The following NDST3 variants were observed in gnomAD, a reference collection of about 807,000 sequenced individuals.
NDST3 encodes the protein bifunctional heparan sulfate N-deacetylase/N-sulfotransferase 3.
A neutral mutation model predicts 96.1 loss-of-function variants in NDST3; 58 were observed. The observed-to-expected ratio is 0.60, with a 90% CI of 0.49 to 0.75. The LOEUF (loss-of-function observed/expected upper bound fraction) is 0.75, where lower values mean the gene tolerates loss of function less well. NDST3 is among the 30% of genes least tolerant of loss of function. The probability of loss-of-function intolerance (pLI) is 0.00; values close to 1 mark genes in which losing one functional copy is unlikely to be tolerated. For synonymous variants in NDST3, 333 were observed against 359.7 expected (o/e 0.93, Z 0.84); for missense variants, 788 against 1,034.2 (o/e 0.76, Z 3.27).
intron 2 of NDST3, among the ~76,000 whole-genome samples, chr4:118,067,068 A>G (rs1726651167): frequency 6.6e-6 from 1 of 150,376 alleles, no homozygotes; most frequent in South Asian, 2.1e-4. Context: ...TTCTTGAATA[A>G]ATGAATTCAA....
intron 6 of NDST3, among the ~76,000 whole-genome samples, chr4:118,197,264 G>C (rs1336419294): frequency 1.3e-5 from 2 of 152,082 alleles, no homozygotes; most frequent in Non-Finnish European, 2.9e-5. Context: ...CCTAACATAT[G>C]ATCTGTCCTT....
At chr4:118,178,356 T>C (rs1404933364) in intron 6 of NDST3, among the ~76,000 whole-genome samples, 1 of 152,030 alleles carries the variant, frequency 6.6e-6, no homozygotes, top group Non-Finnish European at 1.5e-5. Flanking sequence ...CCCGAATCCT[T>C]AGCAACTACT....
chr4:118,063,671 T>G (rs1726079845), intron 2 of NDST3, among the ~76,000 whole-genome samples: 1 of 152,196 alleles, frequency 6.6e-6, no homozygotes, highest in Non-Finnish European at 1.5e-5. Context: ...TGTACGTTGT[T>G]TTAAGTGCTT....
chr4:118,109,310 G>T (rs189531652), intron 3 of NDST3, among the ~76,000 whole-genome samples: 2 of 152,186 alleles, frequency 1.3e-5, no homozygotes, highest in South Asian at 4.1e-4. Context: ...GTGTGTTTAG[G>T]GGGAGAGGGA....
intron 8 of NDST3, 62 bp downstream of exon 8, chr4:118,227,044 C>G (rs1739930905): frequency 1.8e-6 from 2 of 1,095,404 alleles, no homozygotes; most frequent in Non-Finnish European, 2.8e-6. Context: ...ACAATGAGAT[C>G]TTGTCACAAT....
chr4:118,210,251 G>C (rs1245064348), intron 6 of NDST3, among the ~76,000 whole-genome samples: 4 of 152,162 alleles, frequency 2.6e-5, no homozygotes, highest in African/African-American at 9.7e-5. Flanking sequence ...GAGACCATCA[G>C]AGAGCTTAAG....
intron 1 of NDST3, among the ~76,000 whole-genome samples, chr4:118,049,357 A>G (rs544163714): frequency 6.6e-6 from 1 of 152,240 alleles, no homozygotes; most frequent in African/African-American, 2.4e-5. Flanking sequence ...GGCAGAAAAA[A>G]ATAAATAACT....
intron 5 of NDST3, among the ~76,000 whole-genome samples, chr4:118,139,958 T>C (rs908956760): frequency 2.6e-5 from 4 of 152,200 alleles, no homozygotes; most frequent in African/African-American, 4.8e-5. Context: ...GTCTATCCCA[T>C]AGACAGTGCC....
At chr4:118,084,681 A>G (rs561530416) in intron 2 of NDST3, among the ~76,000 whole-genome samples, 3 of 152,366 alleles carry the variant, frequency 2.0e-5, no homozygotes, top group Non-Finnish European at 4.4e-5. Context: ...AAGTGAAAGA[A>G]CTTGTGTTTT....
intron 6 of NDST3, among the ~76,000 whole-genome samples, chr4:118,166,268 T>C (rs1735544889): frequency 6.6e-6 from 1 of 151,866 alleles, no homozygotes; most frequent in African/African-American, 2.4e-5. Flanking sequence ...TAGTCTATAA[T>C]GTACAATTAT....
intron 5 of NDST3, among the ~76,000 whole-genome samples, chr4:118,138,944 A>G (rs1181007175): frequency 6.6e-6 from 1 of 152,214 alleles, no homozygotes; most frequent in African/African-American, 2.4e-5. Flanking sequence ...TTAGAATCAC[A>G]CACTGGGAAG....
Position 118,157,250 on chromosome 4 carries a change from C to G in NDST3, c.1539+13566C>G, listed in dbSNP as rs146723708. ...TGTACGAAAAGAAATACAGGAAAAA[C>G]ACACCAAAAATAATAAAAGTGTTTT... On this transcript the variant is annotated intron_variant, in intron 6 of 13. Coordinates refer to ENST00000296499, the MANE Select transcript of NDST3 (RefSeq NM_004784.3). Among the ~76,000 whole-genome samples the G allele has an allele frequency of 5.7e-3, 862 of 151,178 alleles. 11 individuals carry two copies. Among genetic ancestry groups the G allele is most frequent in the African/African-American group, 0.02 (828 of 40,888 alleles).
intron 2 of NDST3, among the ~76,000 whole-genome samples, chr4:118,082,914 G>C (rs928841360): frequency 3.9e-5 from 6 of 152,116 alleles, no homozygotes; most frequent in African/African-American, 1.4e-4. Context: ...TACATGGCCA[G>C]AGAAGGAGTA....
Position 118,257,493 on chromosome 4 carries a change from C to A in NDST3, c.*1781C>A, listed in dbSNP as rs1183985549. ...ATAAAATTTAAGTAGTAAATTAATT[C>A]CCTGCTATGATTATAAGCCTTTATA... is the stretch of plus-strand genomic sequence containing the variant. On this transcript the variant is annotated 3_prime_UTR_variant, in exon 14 of 14. Coordinates refer to ENST00000296499, the MANE Select transcript of NDST3 (RefSeq NM_004784.3). 1 of 151,928 alleles carries A rather than the reference C, an allele frequency of 6.6e-6. No individual in the cohort carries two copies. The highest frequency in any genetic ancestry group is 2.4e-5 in the African/African-American group (1 of 41,342). The allele number at this position is 151,928 out of a possible 1,614,324, so 9.4% of individuals were successfully genotyped here. A position where few individuals can be genotyped will look rare whatever the true frequency, so the allele number is the denominator to read the frequency against.
chr4:118,198,945 ATTTG>A (rs1412800350), intron 6 of NDST3, among the ~76,000 whole-genome samples: 4 of 151,648 alleles, frequency 2.6e-5, no homozygotes, highest in Admixed American at 2.6e-4. Flanking sequence ...GAGCTCCATT[ATTTG>A]TTTCTTTTCT....
At chr4:118,197,945 A>G (rs1737809362) in intron 6 of NDST3, among the ~76,000 whole-genome samples, 1 of 151,550 alleles carries the variant, frequency 6.6e-6, no homozygotes, top group African/African-American at 2.4e-5. Flanking sequence ...GACTACAGAC[A>G]CACACCACCA....
chr4:118,098,594 T>C (rs1300282107), intron 2 of NDST3, among the ~76,000 whole-genome samples: 3 of 152,034 alleles, frequency 2.0e-5, no homozygotes, highest in African/African-American at 7.2e-5. Context: ...AGGTTATATA[T>C]AATGTATGCT....
intron 2 of NDST3, among the ~76,000 whole-genome samples, chr4:118,102,863 G>A (rs1339168576): frequency 6.6e-6 from 1 of 151,904 alleles, no homozygotes; most frequent in African/African-American, 2.4e-5. Context: ...ACCATATATA[G>A]GCATAATTAG....
Position 118,233,080 on chromosome 4 carries a change from A to C in NDST3, c.1888A>C (p.Thr630Pro), listed in dbSNP as rs541397753. 2 of 1,612,776 alleles carry C rather than the reference A, an allele frequency of 1.2e-6. No individual in the cohort carries two copies. The highest frequency in any genetic ancestry group is 1.7e-5 in the Admixed American group (1 of 60,004). ...CCTTAGTAACTCCCCCAGCCCAAAA[A>C]CCTTTGAGGAGGTACAGTTCTTTAA... The part of the protein sequence containing the change: ...SILSNSPSPK[T>P]FEEVQFFNRN... The change falls in exon 9 of 14, where the codon ACC (threonine) becomes CCC (proline). Residue 630 changes from threonine (T) to proline (P), a missense_variant. Physicochemically the swap from Thr to Pro is conservative, Grantham distance 38. Transcript: ENST00000296499.
Sources: allele counts gnomAD v4.1 joint callset (sites outside exome capture counted in the v4.1 genomes callset), GRCh38; gene constraint gnomAD v4.1.1; transcripts MANE v1.5; gene names NCBI Gene and HGNC (gene_info 2026-07-23, HGNC 2026-07-21).